MIER1: variants seen among roughly 807,000 people sequenced by gnomAD.
MIER1 encodes mesoderm induction early response protein 1.
A neutral mutation model predicts 75.7 loss-of-function variants in MIER1; 40 were observed. The ratio of observed to expected loss-of-function variants is 0.53; its 90% confidence interval spans 0.41 to 0.69. The LOEUF (loss-of-function observed/expected upper bound fraction) is 0.69, where lower values mean the gene tolerates loss of function less well. Among genes scored for constraint, MIER1 ranks in the 30% least tolerant of loss-of-function variants. The pLI is 0.00. For synonymous variants in MIER1, 213 were observed against 223.4 expected, an observed-to-expected ratio of 0.95 and a Z score of 0.42; for missense variants, 574 against 680.2, an observed-to-expected ratio of 0.84 and a Z score of 1.74.
intron 2 of MIER1, among the ~76,000 whole-genome samples, chr1:66,934,811 AAAGTT>A (rs754472182): frequency 2.8e-4 from 42 of 152,166 alleles, no homozygotes; most frequent in Non-Finnish European, 2.8e-4. Context: ...GAGTAATAAC[AAAGTT>A]AAGTAACTTA....
chr1:66,972,152 T>C (rs1383207913), intron 10 of MIER1, among the ~76,000 whole-genome samples: 1 of 150,310 alleles, frequency 6.7e-6, no homozygotes, highest in Non-Finnish European at 1.5e-5. Context: ...AAGCCATGAC[T>C]AAAATTTGGA....
At position 66,936,692 on chromosome 1, in the gene MIER1, C is replaced by G. The variant is rs189375012; in HGVS notation, c.169-3336C>G. Among the ~76,000 whole-genome samples the G allele has an allele frequency of 2.1e-3, 323 of 151,940 alleles. 2 individuals carry two copies. The highest frequency in any genetic ancestry group is 7.6e-3 in the African/African-American group (315 of 41,470). ...AGTCACATTTTAAACATACTTTGAA[C>G]TGATGAAAATCATTTCAAAAAAGAG... On this transcript the variant is annotated intron_variant, in intron 2 of 13. Transcript: ENST00000401041.
chr1:66,935,056 C>T (rs920371133), intron 2 of MIER1, among the ~76,000 whole-genome samples: 5 of 152,054 alleles, frequency 3.3e-5, no homozygotes, highest in Non-Finnish European at 7.4e-5. Context: ...TGCAAATAAG[C>T]TTTTGATTGC....
chr1:66,962,009 C>T (rs191410892), intron 7 of MIER1, among the ~76,000 whole-genome samples: 89 of 152,316 alleles, frequency 5.8e-4, no homozygotes, highest in Non-Finnish European at 1.0e-3. Context: ...CTTTCCAAAT[C>T]CTAAGAGTTA....
rs1469124042 is a variant in MIER1 at position 66,986,085 on chromosome 1, G to A, written c.*1185G>A. On this transcript the variant is annotated 3_prime_UTR_variant, in exon 14 of 14. Coordinates refer to ENST00000401041, the MANE Select transcript of MIER1 (RefSeq NM_001077700.3). Reference sequence around the variant, plus strand: ...GGGGTCAAGTGATACTTAGATATTGGCACACACAAGGAACAACTGTTGGCA... The same window carrying A: ...GGGGTCAAGTGATACTTAGATATTGACACACACAAGGAACAACTGTTGGCA... 4 of 1,049,480 alleles carry A rather than the reference G, an allele frequency of 3.8e-6. No homozygotes were observed. The highest frequency in any genetic ancestry group is 3.4e-5 in the African/African-American group (2 of 58,824). The allele number at this position is 1,049,480 out of a possible 1,614,324, so 65.0% of individuals were successfully genotyped here.
intron 12 of MIER1, among the ~76,000 whole-genome samples, chr1:66,978,320 A>C (rs887361325): frequency 1.3e-5 from 2 of 152,174 alleles, no homozygotes; most frequent in African/African-American, 4.8e-5. Flanking sequence ...CTTCCTTAGA[A>C]GGTCAAATGC....
Position 66,976,579 on chromosome 1 carries a change from C to A in MIER1, c.1102-16C>A. ...TAAAAAGGAGATTCTTAAAAGCAAG[C>A]ATTTGTTTCTTACAGGTCCGAACAA... On this transcript the variant is annotated splice_polypyrimidine_tract_variant and intron_variant, in intron 11 of 13. Coordinates refer to ENST00000401041, the MANE Select transcript of MIER1 (RefSeq NM_001077700.3). 6.5e-7 allele frequency: 1 copy of A among 1,543,826 alleles called. No individual in the cohort carries two copies.
At chr1:66,955,272 C>T (rs940081037) in intron 4 of MIER1, among the ~76,000 whole-genome samples, 2 of 151,204 alleles carry the variant, frequency 1.3e-5, no homozygotes, top group East Asian at 1.9e-4. Context: ...GGTATCTTAT[C>T]CCAGACCTGT....
chr1:66,925,018 G>A lies in MIER1; in HGVS notation c.-11G>A, dbSNP rs1651120733. 1 of 1,546,158 alleles carries A rather than the reference G, an allele frequency of 6.5e-7. No homozygotes were observed. The highest frequency in any genetic ancestry group is 2.1e-5 in the Admixed American group (1 of 48,216). ...CCCCTCCCAGGCTCTGAGTCTCCCG[G>A]CTGCAGGCGGATGGATGGGGCTTCT... is the stretch of plus-strand genomic sequence containing the variant. On this transcript the variant is annotated 5_prime_UTR_variant, in exon 1 of 14. Coordinates refer to ENST00000401041, the MANE Select transcript of MIER1 (RefSeq NM_001077700.3).
At chr1:66,948,253 T>C in intron 4 of MIER1, 1 of 923,834 alleles carries the variant, frequency 1.1e-6, no homozygotes, top group Non-Finnish European at 1.3e-6. Context: ...TGATTTCCTG[T>C]ACTCCATGAT....
chr1:66,958,168 A>G lies in MIER1; in HGVS notation c.449A>G (p.Asp150Gly), dbSNP rs1393750051. ...GAAGAAGAGGAAGAAGAAGGTGAAG[A>G]TGATGAAGATGCTGATAATGATGAC... ...EEEEEEEEGE[D>G]DEDADNDDNS... Residue 150 changes from aspartate (D) to glycine (G), a missense_variant, in exon 5 of 14, where the codon GAT becomes GGT. By Grantham distance (94) the Asp-to-Gly change is moderately conservative. Around this residue, in one of 3 missense-constraint regions of MIER1, gnomAD observed 309 missense variants for 352.8 expected, o/e 0.88. Transcript: ENST00000401041. The G allele has an allele frequency of 2.5e-6, 4 of 1,601,820 alleles. No homozygotes were observed. The South Asian group carries it at 3.3e-5, about 13-fold the overall frequency.
intron 1 of MIER1, 182 bp downstream of exon 1, chr1:66,925,277 T>C (rs1334034996): frequency 1.0e-6 from 1 of 984,276 alleles, no homozygotes; most frequent in Non-Finnish European, 1.2e-6. Context: ...CTCCGCCGGC[T>C]GCCAAAGGCG....
intron 4 of MIER1, chr1:66,946,507 G>A: frequency 8.0e-7 from 1 of 1,251,050 alleles, no homozygotes; most frequent in Non-Finnish European, 1.0e-6. Context: ...AATTCACATA[G>A]TTACTTTGGT....
intron 4 of MIER1, chr1:66,948,282 A>G: frequency 1.1e-6 from 1 of 893,540 alleles, no homozygotes; most frequent in Non-Finnish European, 1.3e-6. Flanking sequence ...CATAAGAAAT[A>G]AGACATAGTG....
At chr1:66,927,128 A>G (rs1369373660) in intron 2 of MIER1, among the ~76,000 whole-genome samples, 4 of 152,170 alleles carry the variant, frequency 2.6e-5, no homozygotes, top group African/African-American at 9.7e-5. Context: ...TATAGCCTCT[A>G]TAGAATTGTT....
chr1:66,978,014 T>A (rs1665075900), intron 12 of MIER1, among the ~76,000 whole-genome samples: 2 of 151,834 alleles, frequency 1.3e-5, no homozygotes, highest in African/African-American at 2.4e-5. Context: ...CTGACAAACA[T>A]GGTGAAACCC....
chr1:66,930,765 C>T (rs912387869), intron 2 of MIER1, among the ~76,000 whole-genome samples: 1 of 152,080 alleles, frequency 6.6e-6, no homozygotes, highest in Non-Finnish European at 1.5e-5. Flanking sequence ...GAAGTTTTTT[C>T]CCTTCCTAAC....
At chr1:66,969,451 A>T (rs1166970003) in intron 8 of MIER1, among the ~76,000 whole-genome samples, 4 of 147,424 alleles carry the variant, frequency 2.7e-5, no homozygotes, top group Admixed American at 7.0e-5. Flanking sequence ...AGGCTGAGGC[A>T]GGAGAATTGC....
At chr1:66,956,748 T>A (rs1300039837) in intron 4 of MIER1, among the ~76,000 whole-genome samples, 1 of 152,250 alleles carries the variant, frequency 6.6e-6, no homozygotes, top group African/African-American at 2.4e-5. Context: ...AGAAATAGAT[T>A]CACAAACTCA....
Sources: allele counts gnomAD v4.1 joint callset (sites outside exome capture counted in the v4.1 genomes callset), GRCh38; gene constraint gnomAD v4.1.1; regional missense constraint gnomAD v4.1.1; transcripts MANE v1.5; gene names NCBI Gene and HGNC (gene_info 2026-07-23, HGNC 2026-07-21).